Variants in CENPS observed in about 807,000 individuals in gnomAD.
CENPS encodes the protein FANCM associated histone fold protein 1.
In CENPS, 16 loss-of-function variants were observed where a neutral mutation model predicts 17.9. The observed-to-expected ratio is 0.90, with a 90% CI of 0.61 to 1.36. The LOEUF (loss-of-function observed/expected upper bound fraction) is 1.36. Ranked by LOEUF, CENPS falls within the 40% of genes most tolerant of loss-of-function variation. The pLI, the probability that CENPS is intolerant of heterozygous loss-of-function variation, is 0.00. For synonymous variants in CENPS, 49 were observed against 55.8 expected, an observed-to-expected ratio of 0.88 and a Z score of 0.54; for missense variants, 160 against 158.6, an observed-to-expected ratio of 1.01 and a Z score of -0.05.
At chr1:10,434,783 TCA>T (rs1370727646) in intron 3 of CENPS, 93 bp downstream of exon 3, 1 of 1,463,216 alleles carries the variant, frequency 6.8e-7, no homozygotes, top group Non-Finnish European at 9.0e-7. Flanking sequence ...CTTTAGCTAT[TCA>T]GTTTTCCGTG....
At chr1:10,432,957 C>T (rs1639988270) in intron 1 of CENPS, among the ~76,000 whole-genome samples, 1 of 152,136 alleles carries the variant, frequency 6.6e-6, no homozygotes. Flanking sequence ...AAGTAGATGC[C>T]CTCCTCATCT....
chr1:10,432,362 G>A (rs1405399088), intron 1 of CENPS, among the ~76,000 whole-genome samples: 1 of 152,204 alleles, frequency 6.6e-6, no homozygotes, highest in East Asian at 1.9e-4. Context: ...TGAGATTACA[G>A]GTGTGAACCA....
At chr1:10,434,791 C>T in intron 3 of CENPS, 101 bp downstream of exon 3, 1 of 1,442,006 alleles carries the variant, frequency 6.9e-7, no homozygotes, top group Non-Finnish European at 9.2e-7. Flanking sequence ...ATTCAGTTTT[C>T]CGTGTGTTTT....
intron 3 of CENPS, 75 bp from the exon 4 acceptor site, chr1:10,440,272 C>T (rs1023077836): frequency 3.6e-5 from 56 of 1,564,292 alleles, no homozygotes; most frequent in Non-Finnish European, 3.7e-5. Flanking sequence ...GAAGTCTGAC[C>T]GTGAACTTCT....
chr1:10,434,084 C>T (rs1570028125), intron 2 of CENPS, 119 bp downstream of exon 2: 1 of 1,518,988 alleles, frequency 6.6e-7, no homozygotes, highest in East Asian at 2.3e-5. Context: ...ATATTATCAT[C>T]CTCATGCGTT....
intron 1 of CENPS, chr1:10,430,990 C>T (rs923317379): frequency 1.6e-6 from 2 of 1,281,360 alleles, no homozygotes; most frequent in Non-Finnish European, 9.9e-7. Context: ...GTCGACCCCT[C>T]GTTACTGATG....
intron 4 of CENPS, among the ~76,000 whole-genome samples, chr1:10,440,977 G>C (rs984732476): frequency 1.3e-5 from 2 of 152,202 alleles, no homozygotes; most frequent in Admixed American, 1.3e-4. Flanking sequence ...TAAAGCACGT[G>C]ATGGCTGTGA....
chr1:10,431,306 G>A (rs1188714645), intron 1 of CENPS: 3 of 1,535,090 alleles, frequency 2.0e-6, no homozygotes, highest in Non-Finnish European at 2.6e-6. Context: ...TCCAGACGCG[G>A]GAGTTTCCTC....
chr1:10,434,069 C>A, intron 2 of CENPS, 104 bp downstream of exon 2: 2 of 1,552,116 alleles, frequency 1.3e-6, no homozygotes, highest in South Asian at 2.4e-5. Flanking sequence ...ACCAGCAGAC[C>A]AAGAATATTA....
rs1254960056 is a variant in CENPS, at chr1:10,440,169, T to C, written c.210-178T>C. On this transcript the variant is annotated intron_variant, in intron 3 of 4. Coordinates refer to ENST00000309048, the MANE Select transcript of CENPS (RefSeq NM_199294.3). ...CCGCATTCTCCATCTCTTTACTTAATTGGGGTCTTAGGAACTTCACTAATT... is the reference window on the plus strand; with the variant it reads ...CCGCATTCTCCATCTCTTTACTTAACTGGGGTCTTAGGAACTTCACTAATT... The C allele has an allele frequency of 3.6e-5, 27 of 752,878 alleles. No individual in the cohort carries two copies. In the East Asian group the frequency reaches 7.3e-4, roughly 20 times the overall value. The allele number at this position is 752,878 out of a possible 1,614,324, so 46.6% of individuals were successfully genotyped here. A position where few individuals can be genotyped will look rare whatever the true frequency, so the allele number is the denominator to read the frequency against.
chr1:10,437,226 G>T, intron 3 of CENPS, among the ~76,000 whole-genome samples: 1 of 151,692 alleles, frequency 6.6e-6, no homozygotes, highest in Non-Finnish European at 1.5e-5. Context: ...CAGGATCATA[G>T]CTCACTGCAA....
Position 10,430,477 on chromosome 1 carries a change from T to A in CENPS, c.-41T>A. On this transcript the variant is annotated 5_prime_UTR_variant, in exon 1 of 5. Coordinates refer to ENST00000309048, the MANE Select transcript of CENPS (RefSeq NM_199294.3). ...CGACCTGGCCGCGCACCACCGCCCC[T>A]TCTCGGCCCTCCTGCGTTTGCCCAG... 6.5e-7 allele frequency: 1 copy of A among 1,531,794 alleles called. No homozygotes were observed. Among genetic ancestry groups the A allele is most frequent in the Non-Finnish European group, 8.8e-7 (1 of 1,140,044 alleles). The allele number at this position is 1,531,794 out of a possible 1,614,324, so 94.9% of individuals were successfully genotyped here. A position where few individuals can be genotyped will look rare whatever the true frequency, so the allele number is the denominator to read the frequency against.
At chr1:10,430,983 G>T in intron 1 of CENPS, 2 of 1,268,582 alleles carry the variant, frequency 1.6e-6, no homozygotes, top group African/African-American at 1.5e-5. Flanking sequence ...TGGAGGCGTC[G>T]ACCCCTCGTT....
chr1:10,437,119 A>G (rs1020962470), intron 3 of CENPS, among the ~76,000 whole-genome samples: 3 of 152,140 alleles, frequency 2.0e-5, no homozygotes, highest in African/African-American at 7.2e-5. Context: ...GAGTATTCGT[A>G]ACATTGTTTC....
chr1:10,434,880 A>G (rs1304421725), intron 3 of CENPS, among the ~76,000 whole-genome samples, 190 bp downstream of exon 3: 1 of 152,144 alleles, frequency 6.6e-6, no homozygotes, highest in Non-Finnish European at 1.5e-5. Flanking sequence ...TTATTTGAAC[A>G]TTTTTTGAAG....
chr1:10,438,608 G>A (rs958445235), intron 3 of CENPS, among the ~76,000 whole-genome samples: 3 of 152,116 alleles, frequency 2.0e-5, no homozygotes, highest in Non-Finnish European at 4.4e-5. Context: ...ATGAAAAATT[G>A]CTTTTGATTT....
At chr1:10,430,778 G>C in intron 1 of CENPS, 14 of 1,388,664 alleles carry the variant, frequency 1.0e-5, no homozygotes, top group Non-Finnish European at 1.3e-5. Context: ...GCGCTGGCTG[G>C]GGAGGAAGCG....
At chr1:10,438,523 T>C (rs1640272948) in intron 3 of CENPS, among the ~76,000 whole-genome samples, 1 of 152,232 alleles carries the variant, frequency 6.6e-6, no homozygotes, top group African/African-American at 2.4e-5. Context: ...TTGAAGAAGA[T>C]AGATATTCTA....
In CENPS at chr1:10,430,443, G is replaced by A. The variant is rs1482509103; in HGVS notation, c.-75G>A. 1.3e-6 allele frequency: 2 copies of A among 1,518,136 alleles called. No individual in the cohort carries two copies. Among genetic ancestry groups the A allele is most frequent in the East Asian group, 2.7e-5 (1 of 36,602 alleles). 94.0% of individuals were successfully genotyped at this position (1,518,136 alleles called of 1,614,324 possible). A position where few individuals can be genotyped will look rare whatever the true frequency, so the allele number is the denominator to read the frequency against. The stretch of plus-strand genomic sequence containing the variant: ...CGCGGCCCGTCGCTCGCGCCGCGGC[G>A]GGAAAATCCGACCTGGCCGCGCACC... On this transcript the variant is annotated 5_prime_UTR_variant, in exon 1 of 5. Transcript: ENST00000309048.
Sources: allele counts gnomAD v4.1 joint callset (sites outside exome capture counted in the v4.1 genomes callset), GRCh38; gene constraint gnomAD v4.1.1; transcripts MANE v1.5; gene names NCBI Gene and HGNC (gene_info 2026-07-23, HGNC 2026-07-21).